PDK4: variants seen among roughly 807,000 people sequenced by gnomAD.
PDK4 encodes pyruvate dehydrogenase kinase, isozyme 4.
In PDK4, 43 loss-of-function variants were observed where a neutral mutation model predicts 51.7. That is an observed-to-expected ratio of 0.83 (90% confidence interval 0.65 to 1.07). The LOEUF is 1.07. Ranked by LOEUF, PDK4 falls within the 50% of genes least tolerant of loss-of-function variation. The pLI, the probability that PDK4 is intolerant of heterozygous loss-of-function variation, is 0.00. For synonymous variants in PDK4, 170 were observed against 176.6 expected, an observed-to-expected ratio of 0.96 and a Z score of 0.30; for missense variants, 498 against 503.5, an observed-to-expected ratio of 0.99 and a Z score of 0.10.
intron 2 of PDK4, 115 bp from the exon 3 acceptor site, chr7:95,593,885 A>T (rs1197120132): frequency 2.2e-6 from 1 of 457,794 alleles, no homozygotes; most frequent in African/African-American, 2.0e-5. Flanking sequence ...TTATGTTCAA[A>T]CTTAAAACTT....
intron 6 of PDK4, among the ~76,000 whole-genome samples, chr7:95,591,443 G>A (rs1467646852): frequency 2.6e-5 from 4 of 152,096 alleles, no homozygotes; most frequent in South Asian, 2.1e-4. Context: ...CTGAAACTTC[G>A]TTATCTGTTG....
At position 95,584,731 on chromosome 7, in the gene PDK4, CTG is replaced by C. The variant is rs2116708130; in HGVS notation, c.*908_*909del. ...TCAGGGTAGAGAAAAGCCCTTCCTA[CTG>C]AATTAGGCTCTGAACATGTGATTTC... is the stretch of plus-strand genomic sequence containing the variant. On this transcript the variant is annotated 3_prime_UTR_variant, in exon 11 of 11. Transcript: ENST00000005178. 1 of 152,426 alleles carries C rather than the reference CTG, an allele frequency of 6.6e-6. No homozygotes were observed. Among genetic ancestry groups the C allele is most frequent in the East Asian group, 1.9e-4 (1 of 5,156 alleles). The allele number at this position is 152,426 out of a possible 1,614,324, so 9.4% of individuals were successfully genotyped here. A position where few individuals can be genotyped will look rare whatever the true frequency, so the allele number is the denominator to read the frequency against.
At position 95,587,060 on chromosome 7, in the gene PDK4, T is replaced by C; in HGVS notation, c.1045A>G (p.Asn349Asp). The change falls in exon 10 of 11, where the codon AAT becomes GAT. Residue 349 changes from asparagine (N) to aspartate (D), a missense_variant. Transcript: ENST00000005178. ...LYAKYFQGDL[N>D]LYSLSGYGTD... ...CCATATCCTGATAAAGAGTAGAGAT[T>C]CAGATCTCCTTGAAAGTACTTTGCA... 6.2e-7 allele frequency: 1 copy of C among 1,612,226 alleles called. No homozygotes were observed. The highest frequency in any genetic ancestry group is 8.5e-7 in the Non-Finnish European group (1 of 1,178,348).
In PDK4 at chr7:95,592,943, A is replaced by G. The variant is rs1791570870; in HGVS notation, c.346T>C (p.Phe116Leu). The change falls in exon 4 of 11, where the codon TTT becomes CTT. Residue 116 changes from phenylalanine to leucine, a missense_variant and splice_region_variant. Phe to Leu is a conservative substitution (Grantham distance 22, BLOSUM62 0). Transcript: ENST00000005178. ...CGAACTTTGATGAGTGTATCTACAA[A>G]GCTAAGCCACAATATTTATGGTTAG... ...SPDDQKALSD[F>L]VDTLIKVRNR... The G allele has an allele frequency of 6.4e-7, 1 of 1,568,326 alleles. No individual in the cohort carries two copies. Among genetic ancestry groups the G allele is most frequent in the Non-Finnish European group, 8.7e-7 (1 of 1,152,580 alleles).
intron 3 of PDK4, among the ~76,000 whole-genome samples, 198 bp from the exon 4 acceptor site, chr7:95,593,142 C>T (rs1278058608): frequency 6.6e-6 from 1 of 152,090 alleles, no homozygotes; most frequent in Non-Finnish European, 1.5e-5. Flanking sequence ...CACAAACAGA[C>T]TCATTTTGTT....
intron 6 of PDK4, among the ~76,000 whole-genome samples, chr7:95,590,684 T>C (rs1162389719): frequency 6.6e-6 from 1 of 152,244 alleles, no homozygotes; most frequent in Non-Finnish European, 1.5e-5. Context: ...TCTGTTAGGC[T>C]ACTCTTTGAG....
Position 95,589,608 on chromosome 7 carries a change from G to C in PDK4, c.771+32C>G, listed in dbSNP as rs376023628. 7 of 1,093,516 alleles carry C rather than the reference G, an allele frequency of 6.4e-6. No individual in the cohort carries two copies. In the African/African-American group the frequency reaches 9.5e-5, roughly 15 times the overall value. The allele number at this position is 1,093,516 out of a possible 1,614,324, so 67.7% of individuals were successfully genotyped here. On this transcript the variant is annotated intron_variant, in intron 7 of 10. Coordinates refer to ENST00000005178, the MANE Select transcript of PDK4 (RefSeq NM_002612.4). ...ATATAACTGTTAAACCTTTTTAAAAGGTAAAATTTCAATTATTGTGAAGTA... is the reference window on the plus strand; with the variant it reads ...ATATAACTGTTAAACCTTTTTAAAACGTAAAATTTCAATTATTGTGAAGTA...
chr7:95,586,201 T>TTTTTG (rs1791480568), intron 10 of PDK4, among the ~76,000 whole-genome samples: 1 of 147,704 alleles, frequency 6.8e-6, no homozygotes, highest in East Asian at 2.0e-4. Flanking sequence ...AAGGTTTTTT[T>TTTTTG]TTTTTTTTTT....
chr7:95,587,497 C>T lies in PDK4; in HGVS notation c.902G>A (p.Arg301Lys). Residue 301 changes from arginine (R) to lysine (K), a missense_variant, in exon 9 of 11, where the codon AGA becomes AAA. Transcript: ENST00000005178. ...ATAACTAAAGAGGCGGTCAATAATT[C>T]TCAGGGGAACACCACCTCCTCTGTC... ...ISDRGGGVPL[R>K]IIDRLFSYTY... 2 of 1,607,450 alleles carry T rather than the reference C, an allele frequency of 1.2e-6. No homozygotes were observed. The highest frequency in any genetic ancestry group is 1.7e-6 in the Non-Finnish European group (2 of 1,173,944).
At position 95,589,685 on chromosome 7, in the gene PDK4, CA is replaced by C; in HGVS notation, c.725del (p.Val242GlyfsTer35). 6.3e-7 allele frequency: 1 copy of C among 1,589,478 alleles called. No homozygotes were observed. The highest frequency in any genetic ancestry group is 2.2e-5 in the East Asian group (1 of 44,684). The stretch of plus-strand genomic sequence containing the variant: ...TATGATGGAGGTGAGAAGGAACATA[CA>C]CGATGTGAATTGGTTGGTCTGGAAA... Reference protein sequence around the residue: ...GKFPDQPIHIVYVPSHLHHML... With the variant: ...GKFPDQPIHIXYVPSHLHHML... On this transcript the variant is annotated frameshift_variant, in exon 7 of 11. Transcript: ENST00000005178. LOFTEE classifies it high-confidence loss of function.
chr7:95,594,920 A>G (rs1791596927), intron 2 of PDK4, 103 bp downstream of exon 2: 2 of 674,520 alleles, frequency 3.0e-6, no homozygotes, highest in Non-Finnish European at 4.8e-6. Context: ...AGTAGTTACC[A>G]TTCAGATCAC....
intron 3 of PDK4, 78 bp downstream of exon 3, chr7:95,593,621 T>A: frequency 2.7e-6 from 2 of 750,576 alleles, no homozygotes; most frequent in Non-Finnish European, 4.8e-6. Context: ...TTCCTTTAAT[T>A]TAGGTCTAAA....
rs1791617909 is a variant in PDK4, at chr7:95,596,186, G to C, written c.108C>G (p.Ser36=). ...CACCAAAGTCCAGTAGCTGCTTCAT[G>C]GACAGCGGGGACGGGCTGTAGCGCG... ...HFSRYSPSPL[S]MKQLLDFGSE... The change falls in exon 1 of 11, where the codon TCC becomes TCG. Residue 36 remains serine (S), a synonymous_variant. Coordinates refer to ENST00000005178, the MANE Select transcript of PDK4 (RefSeq NM_002612.4). 6.2e-7 allele frequency: 1 copy of C among 1,603,802 alleles called. No individual in the cohort carries two copies. The highest frequency in any genetic ancestry group is 8.5e-7 in the Non-Finnish European group (1 of 1,175,476).
chr7:95,595,828 G>C (rs2045244652), intron 1 of PDK4, among the ~76,000 whole-genome samples: 1 of 152,200 alleles, frequency 6.6e-6, no homozygotes, highest in South Asian at 2.1e-4. Flanking sequence ...ACTATGCTGT[G>C]AAGGAGAGGA....
chr7:95,587,422 G>T lies in PDK4; in HGVS notation c.977C>A (p.Pro326His). The part of the protein sequence containing the change: ...TPVMDNSRNA[P>H]LAGFGYGLPI... ...TAGCCATATAATTGTTCTTACCAAAGGAGCATTCCGGGAATTATCCATCAC... is the reference window on the plus strand; with the variant it reads ...TAGCCATATAATTGTTCTTACCAAATGAGCATTCCGGGAATTATCCATCAC... The change falls in exon 9 of 11, where the codon CCT becomes CAT. Residue 326 changes from proline to histidine, a missense_variant. Coordinates refer to ENST00000005178, the MANE Select transcript of PDK4 (RefSeq NM_002612.4). The T allele has an allele frequency of 6.4e-7, 1 of 1,571,952 alleles. No homozygotes were observed. Among genetic ancestry groups the T allele is most frequent in the Non-Finnish European group, 8.8e-7 (1 of 1,141,448 alleles).
chr7:95,587,575 T>C, intron 8 of PDK4, 47 bp from the exon 9 acceptor site: 2 of 1,313,940 alleles, frequency 1.5e-6, no homozygotes, highest in Non-Finnish European at 2.2e-6. Flanking sequence ...AAAAACAATG[T>C]GCATTTGTCT....
At chr7:95,585,929 T>C in intron 10 of PDK4, 148 bp from the exon 11 acceptor site, 1 of 621,698 alleles carries the variant, frequency 1.6e-6, no homozygotes, top group Non-Finnish European at 2.7e-6. Flanking sequence ...AAGAGCACAC[T>C]GGTGCCTGCA....
intron 3 of PDK4, 104 bp from the exon 4 acceptor site, chr7:95,593,048 T>A (rs922563576): frequency 1.5e-5 from 9 of 606,786 alleles, no homozygotes; most frequent in Non-Finnish European, 2.3e-5. Context: ...GCATTACCCA[T>A]CTGAACAAAT....
rs1333359593 is a variant in PDK4, at chr7:95,584,964, A to C, written c.*677T>G. ...AAGTGAACAAGAAAAGCAGCATAAT[A>C]AAGGAGCTGTGTTTTTATCAGAGGA... On this transcript the variant is annotated 3_prime_UTR_variant, in exon 11 of 11. Coordinates refer to ENST00000005178, the MANE Select transcript of PDK4 (RefSeq NM_002612.4). 6.6e-6 allele frequency: 1 copy of C among 152,628 alleles called. No homozygotes were observed. The highest frequency in any genetic ancestry group is 2.4e-5 in the African/African-American group (1 of 41,458). 9.5% of individuals were successfully genotyped at this position (152,628 alleles called of 1,614,324 possible).
Sources: gnomAD v4.1 joint callset for allele counts (sites outside exome capture counted in the v4.1 genomes callset) on GRCh38, gnomAD v4.1.1 for gene constraint, MANE v1.5 for transcripts, NCBI Gene and HGNC (gene_info 2026-07-23, HGNC 2026-07-21) for gene names.